The following PTCSC3 variants were observed in gnomAD, a reference collection of about 807,000 sequenced individuals.
PTCSC3 encodes the protein papillary thyroid carcinoma susceptibility candidate 3, also known as papillary thyroid carcinoma susceptibility candidate 3 (non-protein coding).
chr14:36,173,709 C>T (rs1040490752), intron 1 of PTCSC3, among the ~76,000 whole-genome samples: 2 of 151,982 alleles, frequency 1.3e-5, no homozygotes, highest in African/African-American at 4.8e-5. Flanking sequence ...TCCTGGTGCC[C>T]TTTGATCTTG....
chr14:36,160,655 T>G, intron 2 of PTCSC3, among the ~76,000 whole-genome samples: 1 of 152,048 alleles, frequency 6.6e-6, no homozygotes, highest in Non-Finnish European at 1.5e-5. Context: ...TGCCTTAAGA[T>G]TTTTTCCTTC....
intron 1 of PTCSC3, among the ~76,000 whole-genome samples, chr14:36,175,660 A>G (rs1265577749): frequency 6.6e-6 from 1 of 152,186 alleles, no homozygotes; most frequent in East Asian, 1.9e-4. Context: ...AGAAAGGAGG[A>G]AGAACCCACT....
At chr14:36,159,613 T>C (rs1347062833) in intron 2 of PTCSC3, among the ~76,000 whole-genome samples, 1 of 152,180 alleles carries the variant, frequency 6.6e-6, no homozygotes, top group East Asian at 1.9e-4. Context: ...AGATATTGTT[T>C]GTTATGATTT....
intron 1 of PTCSC3, among the ~76,000 whole-genome samples, chr14:36,162,947 A>T (rs1226803988): frequency 6.6e-6 from 1 of 152,200 alleles, no homozygotes; most frequent in Non-Finnish European, 1.5e-5. Context: ...TTTCCATAAA[A>T]ACAAAAATGG....
intron 3 of PTCSC3, among the ~76,000 whole-genome samples, chr14:36,148,153 GAGGC>G (rs1323968458): frequency 6.6e-6 from 1 of 152,028 alleles, no homozygotes; most frequent in Non-Finnish European, 1.5e-5. Context: ...GGAGCCTACA[GAGGC>G]AGGCAGGCCT....
intron 3 of PTCSC3, among the ~76,000 whole-genome samples, chr14:36,139,881 A>G (rs116141757): frequency 9.8e-4 from 149 of 152,330 alleles, no homozygotes; most frequent in African/African-American, 3.4e-3. Context: ...TTTGTGCTGT[A>G]TAGTTCTGTG....
intron 1 of PTCSC3, chr14:36,164,339 G>T (rs1339434889): frequency 6.6e-6 from 1 of 152,038 alleles, no homozygotes. Flanking sequence ...ATAAAGGAAG[G>T]GGCTATAAAA....
chr14:36,163,687 G>A (rs1021104906), intron 1 of PTCSC3, among the ~76,000 whole-genome samples: 4 of 152,258 alleles, frequency 2.6e-5, no homozygotes, highest in African/African-American at 7.2e-5. Context: ...AATGTTTTGT[G>A]ATATAAGGTC....
rs570382350 is a variant in PTCSC3, at chr14:36,140,467, G to A, written n.323-4111C>T. 6.6e-5 allele frequency among the ~76,000 whole-genome samples: 10 copies of A among 152,302 alleles called. No individual in the cohort carries two copies. In the South Asian group the frequency reaches 1.9e-3, roughly 28 times the overall value. ...CATTTTGCACTTTCCATCCATAATA[G>A]ATGCGAGGTCCTGTTGGTCCACATT... On this transcript the variant is annotated intron_variant and non_coding_transcript_variant, in intron 3 of 3. Coordinates refer to ENST00000556013, the Ensembl canonical transcript of PTCSC3.
chr14:36,173,995 CTT>C (rs2040879291), intron 1 of PTCSC3, among the ~76,000 whole-genome samples: 1 of 151,376 alleles, frequency 6.6e-6, no homozygotes, highest in Non-Finnish European at 1.5e-5. Context: ...TTTTTTTTCT[CTT>C]TGGCTGCTTT....
At chr14:36,135,530 T>A (rs145761348), downstream of PTCSC3, among the ~76,000 whole-genome samples, 2,657 of 152,298 alleles carry the variant, frequency 0.017, 34 homozygotes, top group South Asian at 0.044. Context: ...GAAGTGTCTC[T>A]CTTGTAAATA....
rs867864961 is a variant in PTCSC3 at position 36,146,412 on chromosome 14, T to C, written n.322+7392A>G. Among the ~76,000 whole-genome samples the C allele has an allele frequency of 5.1e-3, 768 of 151,286 alleles. 6 individuals are homozygous for C. Among genetic ancestry groups the C allele is most frequent in the South Asian group, 0.032 (152 of 4,710 alleles). On this transcript the variant is annotated intron_variant and non_coding_transcript_variant, in intron 3 of 3. Transcript: ENST00000556013. Reference sequence around the variant, plus strand: ...TGTTGAATTGATCCCTTTACCATTATTTAATGGCCTTGTTTGTCTCTTTTG... The same window carrying C: ...TGTTGAATTGATCCCTTTACCATTACTTAATGGCCTTGTTTGTCTCTTTTG...
chr14:36,154,887 C>G (rs1289726998), intron 2 of PTCSC3, among the ~76,000 whole-genome samples: 2 of 152,174 alleles, frequency 1.3e-5, no homozygotes, highest in Non-Finnish European at 2.9e-5. Context: ...ATGACCCAGT[C>G]TGAATACATT....
chr14:36,142,181 G>A (rs138183077), intron 3 of PTCSC3, among the ~76,000 whole-genome samples: 4 of 152,252 alleles, frequency 2.6e-5, no homozygotes, highest in Non-Finnish European at 5.9e-5. Flanking sequence ...TCCTTATCAA[G>A]CTGAAAAAGT....
chr14:36,137,103 G>T lies in PTCSC3; in HGVS notation n.323-747C>A, dbSNP rs149593370. 1.4e-4 allele frequency among the ~76,000 whole-genome samples: 21 copies of T among 152,268 alleles called. No homozygotes were observed. In the East Asian group the frequency reaches 3.3e-3, roughly 24 times the overall value. On this transcript the variant is annotated intron_variant and non_coding_transcript_variant, in intron 3 of 3. Coordinates refer to ENST00000556013, the Ensembl canonical transcript of PTCSC3. ...GAAAATGGATGGTGCTATTTTATTA[G>T]GGTGGATAAGGATGGCTTCACAAAG... is the stretch of plus-strand genomic sequence containing the variant.
chr14:36,139,194 A>G (rs1038321918), intron 3 of PTCSC3, among the ~76,000 whole-genome samples: 2 of 151,644 alleles, frequency 1.3e-5, no homozygotes, highest in African/African-American at 4.8e-5. Flanking sequence ...TAGAATCTTT[A>G]TTAATAAGAG....
At chr14:36,152,433 T>C (rs780712687) in intron 3 of PTCSC3, among the ~76,000 whole-genome samples, 60 of 152,090 alleles carry the variant, frequency 3.9e-4, no homozygotes, top group Admixed American at 5.9e-4. Context: ...GCCACTGCAC[T>C]CTAGCCTGGG....
chr14:36,174,457 A>G (rs1404452533), intron 1 of PTCSC3, among the ~76,000 whole-genome samples: 2 of 152,062 alleles, frequency 1.3e-5, no homozygotes, highest in Non-Finnish European at 2.9e-5. Flanking sequence ...ACTCATTAAG[A>G]TCATATTTTT....
chr14:36,167,716 A>C (rs1882117195), intron 1 of PTCSC3, among the ~76,000 whole-genome samples: 1 of 152,194 alleles, frequency 6.6e-6, no homozygotes, highest in South Asian at 2.1e-4. Context: ...GAAGGAAAGA[A>C]CCAATCAAAT....
Sources: gnomAD v4.1 joint callset for allele counts (sites outside exome capture counted in the v4.1 genomes callset) on GRCh38, gnomAD v4.1.1 for gene constraint, MANE v1.5 for transcripts, NCBI Gene and HGNC (gene_info 2026-07-23, HGNC 2026-07-21) for gene names.